SLC25A16: variants seen among roughly 807,000 people sequenced by gnomAD.
SLC25A16 encodes solute carrier family 25 member 16, also known as mitochondrial coenzyme A transporter SLC25A16.
In SLC25A16, 39 loss-of-function variants were observed where a neutral mutation model predicts 41.5. That is an observed-to-expected ratio of 0.94 (90% CI 0.73 to 1.23). The LOEUF is 1.23. Ranked by LOEUF, SLC25A16 falls within the 50% of genes most tolerant of loss-of-function variation. SLC25A16 has a pLI of 0.00. For synonymous variants in SLC25A16, 146 were observed against 147.8 expected (o/e 0.99, Z 0.09); for missense variants, 421 against 426.9 (o/e 0.99, Z 0.12).
At chr10:68,522,209 G>A (rs150801454) in intron 1 of SLC25A16, among the ~76,000 whole-genome samples, 5 of 151,906 alleles carry the variant, frequency 3.3e-5, no homozygotes, top group South Asian at 4.2e-4. Context: ...TTACTTATAC[G>A]TGCAATGTGA....
At position 68,499,742 on chromosome 10, in the gene SLC25A16, T is replaced by C. The variant is rs2052809385; in HGVS notation, c.421+3890A>G. On this transcript the variant is annotated intron_variant, in intron 4 of 8. Coordinates refer to ENST00000609923, the MANE Select transcript of SLC25A16 (RefSeq NM_152707.4). ...TATAAAGGTCAGCAAATTGGCAAAG[T>C]AGTCCAGGCTTACAGGAAGAAATGT... 3 of 394,534 alleles carry C rather than the reference T, an allele frequency of 7.6e-6. No individual in the cohort carries two copies. The Admixed American group carries it at 9.0e-5, about 12-fold the overall frequency. 24.4% of individuals were successfully genotyped at this position (394,534 alleles called of 1,614,324 possible). A position where few individuals can be genotyped will look rare whatever the true frequency, so the allele number is the denominator to read the frequency against.
At chr10:68,512,175 A>G (rs1333446525) in intron 2 of SLC25A16, among the ~76,000 whole-genome samples, 1 of 152,178 alleles carries the variant, frequency 6.6e-6, no homozygotes, top group Non-Finnish European at 1.5e-5. Flanking sequence ...TAATCAAAGC[A>G]CTTTGGGAGG....
rs1316965697 is a variant in SLC25A16, at chr10:68,506,648, T to C, written c.294A>G (p.Ala98=). 6.2e-7 allele frequency: 1 copy of C among 1,604,322 alleles called. No homozygotes were observed. The highest frequency in any genetic ancestry group is 1.1e-5 in the South Asian group (1 of 90,022). ...CATAGGGAAAGATTCGAATCATCAT[T>C]GCACCATTTCCTTTATACAATCCAA... ...GFLGLYKGNG[A]MMIRIFPYGA... Residue 98 remains alanine, a synonymous_variant, in exon 3 of 9, where the codon GCA becomes GCG. Coordinates refer to ENST00000609923, the MANE Select transcript of SLC25A16 (RefSeq NM_152707.4).
chr10:68,507,005 A>T (rs1288056652), intron 2 of SLC25A16, among the ~76,000 whole-genome samples: 1 of 151,918 alleles, frequency 6.6e-6, no homozygotes, highest in Non-Finnish European at 1.5e-5. Flanking sequence ...AAACTATAGC[A>T]ATCTAAAAAA....
At chr10:68,492,886 C>T (rs1401699565) in intron 6 of SLC25A16, among the ~76,000 whole-genome samples, 2 of 151,998 alleles carry the variant, frequency 1.3e-5, no homozygotes, top group South Asian at 2.1e-4. Flanking sequence ...CATCATCTAA[C>T]GTAAGTGTGT....
intron 7 of SLC25A16, 141 bp from the exon 8 acceptor site, chr10:68,487,353 G>A: frequency 1.6e-6 from 1 of 611,340 alleles, no homozygotes; most frequent in Non-Finnish European, 2.9e-6. Context: ...CGGGATATAG[G>A]CATATGAATA....
At chr10:68,493,363 AAAG>A (rs1487079049) in intron 5 of SLC25A16, 83 bp downstream of exon 5, 1 of 1,266,580 alleles carries the variant, frequency 7.9e-7, no homozygotes, top group Non-Finnish European at 1.1e-6. Flanking sequence ...ATTATAAGTA[AAAG>A]AATAATTACT....
intron 2 of SLC25A16, among the ~76,000 whole-genome samples, chr10:68,509,515 CACCA>C (rs1421384009): frequency 6.6e-6 from 1 of 151,828 alleles, no homozygotes; most frequent in African/African-American, 2.4e-5. Context: ...AGGAATTTGA[CACCA>C]ACCAAGACAA....
intron 2 of SLC25A16, among the ~76,000 whole-genome samples, chr10:68,509,020 T>G (rs1210540970): frequency 3.3e-5 from 5 of 152,128 alleles, no homozygotes; most frequent in African/African-American, 1.2e-4. Context: ...AAACCATTAG[T>G]AGAAGTGAAA....
At chr10:68,506,095 G>A (rs562209091) in intron 3 of SLC25A16, among the ~76,000 whole-genome samples, 4 of 152,016 alleles carry the variant, frequency 2.6e-5, no homozygotes, top group South Asian at 4.2e-4. Context: ...TTCTGGAATC[G>A]GTAATTCCAA....
rs552107173 is a variant in SLC25A16, at chr10:68,494,959, G to T, written c.422-1389C>A. Reference sequence around the variant, plus strand: ...TAGTGGTTAAATAATGAATTGGTAGGAAACAAGAGTACCCAGAAATTTGTA... The same window carrying T: ...TAGTGGTTAAATAATGAATTGGTAGTAAACAAGAGTACCCAGAAATTTGTA... On this transcript the variant is annotated intron_variant, in intron 4 of 8. Transcript: ENST00000609923. Among the ~76,000 whole-genome samples the T allele has an allele frequency of 2.0e-5, 3 of 151,752 alleles. No individual in the cohort carries two copies. In the South Asian group the frequency reaches 6.2e-4, roughly 32 times the overall value.
intron 4 of SLC25A16, among the ~76,000 whole-genome samples, chr10:68,500,417 C>A (rs1263710171): frequency 6.6e-6 from 1 of 152,090 alleles, no homozygotes; most frequent in Non-Finnish European, 1.5e-5. Context: ...AAGCGATTCT[C>A]CTGCCTCAGC....
At chr10:68,507,868 T>G (rs1176190438) in intron 2 of SLC25A16, among the ~76,000 whole-genome samples, 1 of 152,188 alleles carries the variant, frequency 6.6e-6, no homozygotes, top group Non-Finnish European at 1.5e-5. Context: ...TAATTAAAAT[T>G]GTAGGTACTT....
In SLC25A16 at chr10:68,500,721, C is replaced by T. The variant is rs188496492; in HGVS notation, c.421+2911G>A. Among the ~76,000 whole-genome samples, 182 of 150,708 alleles carry T rather than the reference C, an allele frequency of 1.2e-3. 1 individual carries two copies. The highest frequency in any genetic ancestry group is 4.2e-3 in the African/African-American group (174 of 41,200). On this transcript the variant is annotated intron_variant, in intron 4 of 8. Transcript: ENST00000609923. ...CAAGGCAGGTAGATCACCTGAGGTC[C>T]GGAGTTTGAGACCAGCCTGGCCAAC...
chr10:68,492,447 A>C (rs922475890), intron 6 of SLC25A16, among the ~76,000 whole-genome samples: 1 of 152,148 alleles, frequency 6.6e-6, no homozygotes, highest in Non-Finnish European at 1.5e-5. Flanking sequence ...ATCCACAATT[A>C]CCTCAAAATA....
intron 4 of SLC25A16, among the ~76,000 whole-genome samples, chr10:68,500,397 T>C (rs571687164): frequency 2.6e-5 from 4 of 152,172 alleles, no homozygotes; most frequent in Admixed American, 2.0e-4. Flanking sequence ...AACCTCCACC[T>C]CCCAGGTTCA....
intron 2 of SLC25A16, among the ~76,000 whole-genome samples, chr10:68,513,682 G>T (rs914119775): frequency 2.0e-5 from 3 of 151,894 alleles, no homozygotes; most frequent in Non-Finnish European, 4.4e-5. Flanking sequence ...CTGAGGTTAG[G>T]AGTTTGAGAC....
At position 68,487,869 on chromosome 10, in the gene SLC25A16, T is replaced by C. The variant is rs947805282; in HGVS notation, c.773+598A>G. 3.9e-5 allele frequency among the ~76,000 whole-genome samples: 6 copies of C among 152,090 alleles called. No homozygotes were observed. The South Asian group carries it at 1.2e-3, about 32-fold the overall frequency. On this transcript the variant is annotated intron_variant, in intron 7 of 8. Coordinates refer to ENST00000609923, the MANE Select transcript of SLC25A16 (RefSeq NM_152707.4). ...ATACAAATGCAATCTCTCTTTTTTTTTTGAGATGGAGTCTCACTCTGTCGC... is the reference window on the plus strand; with the variant it reads ...ATACAAATGCAATCTCTCTTTTTTTCTTGAGATGGAGTCTCACTCTGTCGC...
In SLC25A16 at chr10:68,487,231, A is replaced by G. The variant is rs745877922; in HGVS notation, c.774-19T>C. 8.7e-6 allele frequency: 14 copies of G among 1,609,128 alleles called. No individual in the cohort carries two copies. The highest frequency in any genetic ancestry group is 1.1e-5 in the Non-Finnish European group (13 of 1,176,888). ...TGGGTAGCTAAAAGAAGAAAAAGGCATAAAGAATTAAAAATTTTTGGTTTT... is the reference window on the plus strand; with the variant it reads ...TGGGTAGCTAAAAGAAGAAAAAGGCGTAAAGAATTAAAAATTTTTGGTTTT... On this transcript the variant is annotated intron_variant, in intron 7 of 8. Coordinates refer to ENST00000609923, the MANE Select transcript of SLC25A16 (RefSeq NM_152707.4).
Sources: allele counts gnomAD v4.1 joint callset (sites outside exome capture counted in the v4.1 genomes callset), GRCh38; gene constraint gnomAD v4.1.1; transcripts MANE v1.5; gene names NCBI Gene and HGNC (gene_info 2026-07-23, HGNC 2026-07-21).